The following ZNF438 variants were observed in gnomAD, a reference collection of about 807,000 sequenced individuals.
ZNF438 encodes zinc finger protein 438.
ZNF438 carries 25 observed loss-of-function variants against 38.0 expected under a neutral mutation model. The observed-to-expected ratio is 0.66, with a 90% CI of 0.48 to 0.92. The LOEUF (loss-of-function observed/expected upper bound fraction) is 0.92, where lower values mean the gene tolerates loss of function less well. Among genes scored for constraint, ZNF438 ranks in the 40% least tolerant of loss-of-function variants. The pLI is 0.00. For missense variants in ZNF438, 1,007 were observed against 999.6 expected (o/e 1.01, Z -0.10); for synonymous variants, 372 against 364.1 (o/e 1.02, Z -0.25).
chr10:31,011,932 T>A (rs577282323), intron 1 of ZNF438, among the ~76,000 whole-genome samples: 57 of 152,176 alleles, frequency 3.7e-4, no homozygotes, highest in Non-Finnish European at 6.8e-4. Context: ...ACTGTCCTCC[T>A]CCTCACTCAC....
rs1182323509 is a variant in ZNF438 at position 31,006,766 on chromosome 10, G to C, written c.-192+25067C>G. Among the ~76,000 whole-genome samples, 3 of 117,446 alleles carry C rather than the reference G, an allele frequency of 2.6e-5. No individual in the cohort carries two copies. In the East Asian group the frequency reaches 7.8e-4, roughly 31 times the overall value. The allele number at this position is 117,446 out of a possible 152,430, so 77.0% of individuals were successfully genotyped here. ...GTCTGCTGCAAAATGTCTTGGTGTGGTTGGCGGGGGGCGGGGGGGGGAACT... is the reference window on the plus strand; with the variant it reads ...GTCTGCTGCAAAATGTCTTGGTGTGCTTGGCGGGGGGCGGGGGGGGGAACT... On this transcript the variant is annotated intron_variant, in intron 1 of 5. Coordinates refer to ENST00000413025, the Ensembl canonical transcript of ZNF438.
chr10:30,970,410 A>C (rs1451837889), intron 1 of ZNF438, among the ~76,000 whole-genome samples: 3 of 152,204 alleles, frequency 2.0e-5, no homozygotes, highest in Non-Finnish European at 4.4e-5. Flanking sequence ...AACGTACTTT[A>C]TGTAATTTCG....
chr10:30,868,084 T>TC (rs1361402072), intron 4 of ZNF438, among the ~76,000 whole-genome samples: 1 of 152,036 alleles, frequency 6.6e-6, no homozygotes, highest in Admixed American at 6.6e-5. Flanking sequence ...TTTTTTTTTT[T>TC]TTGAGACGGA....
chr10:30,943,416 T>C, intron 1 of ZNF438, among the ~76,000 whole-genome samples: 1 of 151,572 alleles, frequency 6.6e-6, no homozygotes, highest in Non-Finnish European at 1.5e-5. Flanking sequence ...AGAAAGCATA[T>C]GAATGGAAAA....
At chr10:30,852,856 C>T (rs761902810) in intron 4 of ZNF438, among the ~76,000 whole-genome samples, 1 of 152,138 alleles carries the variant, frequency 6.6e-6, no homozygotes, top group South Asian at 2.1e-4. Context: ...AATCACTTGA[C>T]AATAGTCATC....
At chr10:30,897,466 A>C (rs949086779) in intron 3 of ZNF438, among the ~76,000 whole-genome samples, 19 of 152,208 alleles carry the variant, frequency 1.2e-4, no homozygotes, top group Admixed American at 9.2e-4. Flanking sequence ...CTATAGAGCA[A>C]GTGCTTCAAC....
intron 1 of ZNF438, among the ~76,000 whole-genome samples, chr10:31,028,838 C>T (rs903754471): frequency 1.3e-5 from 2 of 152,136 alleles, no homozygotes; most frequent in African/African-American, 4.8e-5. Flanking sequence ...ACAGACCTTG[C>T]CCCTACGGAA....
At chr10:31,032,409 C>G (rs957571465), upstream of ZNF438, among the ~76,000 whole-genome samples, 1 of 150,904 alleles carries the variant, frequency 6.6e-6, no homozygotes, top group Admixed American at 6.6e-5. Context: ...TAGACTCCGC[C>G]CAGACCCCGA....
intron 1 of ZNF438, among the ~76,000 whole-genome samples, chr10:30,983,234 T>C (rs1196563193): frequency 6.6e-6 from 1 of 152,208 alleles, no homozygotes; most frequent in Non-Finnish European, 1.5e-5. Flanking sequence ...ACCATGCCCA[T>C]TGTATCAGTC....
At position 30,998,888 on chromosome 10, in the gene ZNF438, A is replaced by G. The variant is rs533815145; in HGVS notation, c.-192+32945T>C. ...TTTGAAAACTAAACAATTTATAAAA[A>G]GATTTCTCTATTTCCATACACTTTC... is the stretch of plus-strand genomic sequence containing the variant. On this transcript the variant is annotated intron_variant, in intron 1 of 5. Coordinates refer to ENST00000413025, the Ensembl canonical transcript of ZNF438. Among the ~76,000 whole-genome samples the G allele has an allele frequency of 2.6e-5, 4 of 152,344 alleles. No homozygotes were observed. The South Asian group carries it at 8.3e-4, about 32-fold the overall frequency.
intron 1 of ZNF438, among the ~76,000 whole-genome samples, chr10:30,942,531 T>C (rs2046924286): frequency 6.6e-6 from 1 of 152,246 alleles, no homozygotes; most frequent in South Asian, 2.1e-4. Context: ...TAAACAATTA[T>C]GCAAGACTGA....
intron 1 of ZNF438, among the ~76,000 whole-genome samples, chr10:30,959,401 C>T (rs1173754526): frequency 1.4e-5 from 2 of 146,104 alleles, no homozygotes; most frequent in Non-Finnish European, 3.1e-5. Context: ...AGCTGACTGC[C>T]TTTAGACTCA....
At chr10:31,010,162 A>G (rs1162186435) in intron 1 of ZNF438, among the ~76,000 whole-genome samples, 2 of 152,166 alleles carry the variant, frequency 1.3e-5, no homozygotes, top group Non-Finnish European at 2.9e-5. Context: ...AATCATTTTT[A>G]TAATGCAGCA....
At chr10:31,021,683 G>A (rs932018142) in intron 1 of ZNF438, among the ~76,000 whole-genome samples, 1 of 151,958 alleles carries the variant, frequency 6.6e-6, no homozygotes, top group Non-Finnish European at 1.5e-5. Context: ...TTCTTATTCG[G>A]GGTCAAAATG....
rs80332504 is a variant in ZNF438 at position 30,983,377 on chromosome 10, C to T, written c.-191-41726G>A. Among the ~76,000 whole-genome samples, 181 of 152,206 alleles carry T rather than the reference C, an allele frequency of 1.2e-3. 1 individual carries two copies. Among genetic ancestry groups the T allele is most frequent in the African/African-American group, 4.2e-3 (175 of 41,526 alleles). Reference sequence around the variant, plus strand: ...GGCCTCAAGAAACTTTCAACCACAGCGGAAGGCAAAGGGGAAGCAGGTACA... The same window carrying T: ...GGCCTCAAGAAACTTTCAACCACAGTGGAAGGCAAAGGGGAAGCAGGTACA... On this transcript the variant is annotated intron_variant, in intron 1 of 5. Coordinates refer to ENST00000413025, the Ensembl canonical transcript of ZNF438.
At chr10:30,985,409 T>A (rs2052659468) in intron 1 of ZNF438, among the ~76,000 whole-genome samples, 1 of 152,208 alleles carries the variant, frequency 6.6e-6, no homozygotes, top group African/African-American at 2.4e-5. Context: ...TTCTAAAGCG[T>A]CTCTTTTACA....
intron 1 of ZNF438, among the ~76,000 whole-genome samples, chr10:30,969,998 C>G (rs2050562018): frequency 6.6e-6 from 1 of 151,718 alleles, no homozygotes. Context: ...TTTACTGAGA[C>G]CTTTGGCAAA....
intron 2 of ZNF438, among the ~76,000 whole-genome samples, chr10:30,922,114 C>T (rs1278851820): frequency 6.6e-6 from 1 of 152,082 alleles, no homozygotes; most frequent in East Asian, 1.9e-4. Flanking sequence ...TGAAGCAGTT[C>T]CACAATACAC....
intron 1 of ZNF438, among the ~76,000 whole-genome samples, chr10:31,013,464 T>G (rs1341378149): frequency 6.6e-6 from 1 of 152,024 alleles, no homozygotes; most frequent in Non-Finnish European, 1.5e-5. Context: ...TCCACCACTT[T>G]CAAGCTCCCT....
Sources: gnomAD v4.1 joint callset for allele counts (sites outside exome capture counted in the v4.1 genomes callset) on GRCh38, gnomAD v4.1.1 for gene constraint, MANE v1.5 for transcripts, NCBI Gene and HGNC (gene_info 2026-07-23, HGNC 2026-07-21) for gene names.